LRRC49: variants seen among roughly 807,000 people sequenced by gnomAD.
LRRC49 encodes leucine rich repeat containing 49, also known as leucine-rich repeat-containing protein 49.
In LRRC49, 50 loss-of-function variants were observed where a neutral mutation model predicts 83.3. The ratio of observed to expected loss-of-function variants is 0.60; its 90% CI spans 0.48 to 0.76. The LOEUF (loss-of-function observed/expected upper bound fraction) is 0.76. LRRC49 is among the 30% of genes least tolerant of loss of function. The pLI, the probability that LRRC49 is intolerant of heterozygous loss-of-function variation, is 0.00. For synonymous variants in LRRC49, 286 were observed against 283.3 expected (o/e 1.01, Z -0.10); for missense variants, 704 against 809.1 (o/e 0.87, Z 1.58).
intron 8 of LRRC49, among the ~76,000 whole-genome samples, chr15:70,959,700 A>G (rs762391471): frequency 1.3e-5 from 2 of 152,110 alleles, no homozygotes; most frequent in Non-Finnish European, 2.9e-5. Flanking sequence ...GAAAATCCCA[A>G]TCAAAATCCC....
At chr15:70,917,364 G>T (rs2034825189) in intron 6 of LRRC49, among the ~76,000 whole-genome samples, 1 of 152,088 alleles carries the variant, frequency 6.6e-6, no homozygotes, top group East Asian at 1.9e-4. Flanking sequence ...CCGCCCATGG[G>T]CCAATCAGCA....
chr15:71,044,864 G>A (rs191026926), intron 15 of LRRC49, among the ~76,000 whole-genome samples: 43 of 146,062 alleles, frequency 2.9e-4, no homozygotes, highest in Non-Finnish European at 6.0e-4. Context: ...ACATACTAAT[G>A]TTCTCAGAAC....
chr15:70,861,798 G>A (rs554607091), intron 1 of LRRC49, among the ~76,000 whole-genome samples: 12 of 152,260 alleles, frequency 7.9e-5, no homozygotes, highest in South Asian at 4.2e-4. Context: ...GGTGGTGTGC[G>A]CCTGTAGTCC....
chr15:70,941,584 G>A (rs1316189399), intron 8 of LRRC49, among the ~76,000 whole-genome samples: 2 of 151,710 alleles, frequency 1.3e-5, no homozygotes, highest in Non-Finnish European at 2.9e-5. Context: ...TACATTTGTT[G>A]TATTCCTTTT....
At chr15:70,963,681 A>G in intron 8 of LRRC49, 104 bp from the exon 9 acceptor site, 2 of 1,334,464 alleles carry the variant, frequency 1.5e-6, no homozygotes, top group East Asian at 2.3e-5. Flanking sequence ...TATCTTCTCA[A>G]TTTTTCTGTA....
At chr15:70,918,003 G>C (rs2034852715) in intron 6 of LRRC49, among the ~76,000 whole-genome samples, 1 of 152,202 alleles carries the variant, frequency 6.6e-6, no homozygotes, top group African/African-American at 2.4e-5. Flanking sequence ...CTCCCTCTTT[G>C]GGACCCTGCG....
chr15:70,900,920 A>G lies in LRRC49; in HGVS notation c.194-2A>G. 1.3e-6 allele frequency: 2 copies of G among 1,541,286 alleles called. No homozygotes were observed. The highest frequency in any genetic ancestry group is 8.9e-7 in the Non-Finnish European group (1 of 1,122,522). On this transcript the variant is annotated splice_acceptor_variant, in intron 3 of 15. Transcript: ENST00000260382. LOFTEE classifies it high-confidence loss of function. ...AAGTAATTTGTATATCATTTTTAATAGGTGATCATATTAATTTGGTGAGCT... is the reference window on the plus strand; with the variant it reads ...AAGTAATTTGTATATCATTTTTAATGGGTGATCATATTAATTTGGTGAGCT...
At chr15:70,868,602 C>T (rs763640541) in intron 1 of LRRC49, among the ~76,000 whole-genome samples, 3 of 152,230 alleles carry the variant, frequency 2.0e-5, no homozygotes, top group Non-Finnish European at 4.4e-5. Flanking sequence ...GTTTCTGACT[C>T]AGTAGGTCTA....
At chr15:70,869,103 G>A (rs1358568877) in intron 1 of LRRC49, among the ~76,000 whole-genome samples, 5 of 151,608 alleles carry the variant, frequency 3.3e-5, no homozygotes, top group African/African-American at 1.2e-4. Context: ...TAAAGTAATT[G>A]GAAAAAAAAT....
intron 11 of LRRC49, among the ~76,000 whole-genome samples, chr15:71,007,148 G>A (rs1179445928): frequency 6.6e-6 from 1 of 151,990 alleles, no homozygotes; most frequent in Non-Finnish European, 1.5e-5. Flanking sequence ...AAACAAATGT[G>A]TAGAAGGTTA....
intron 11 of LRRC49, among the ~76,000 whole-genome samples, chr15:71,006,331 CTT>C (rs2038456092): frequency 1.3e-5 from 2 of 152,292 alleles, no homozygotes; most frequent in East Asian, 1.9e-4. Flanking sequence ...AAGCAAGACA[CTT>C]TTAAATATAT....
At chr15:71,024,242 C>T (rs1200786793) in intron 14 of LRRC49, among the ~76,000 whole-genome samples, 1 of 152,196 alleles carries the variant, frequency 6.6e-6, no homozygotes, top group African/African-American at 2.4e-5. Context: ...TGCACCCCTT[C>T]CACTAAGGGA....
At chr15:70,895,047 T>C (rs1002938916) in intron 2 of LRRC49, among the ~76,000 whole-genome samples, 2 of 152,204 alleles carry the variant, frequency 1.3e-5, no homozygotes, top group African/African-American at 4.8e-5. Context: ...CCATTCACTT[T>C]CTCTTGTGTG....
At chr15:70,943,517 T>G (rs1269192744) in intron 8 of LRRC49, among the ~76,000 whole-genome samples, 1 of 152,204 alleles carries the variant, frequency 6.6e-6, no homozygotes, top group Non-Finnish European at 1.5e-5. Flanking sequence ...CTTGCATCCC[T>G]TCTCCCCTGA....
At chr15:70,883,610 T>G (rs2033324916) in intron 2 of LRRC49, among the ~76,000 whole-genome samples, 2 of 152,114 alleles carry the variant, frequency 1.3e-5, no homozygotes, top group South Asian at 4.1e-4. Flanking sequence ...ATAAGTGACT[T>G]TTAATACTTT....
intron 7 of LRRC49, among the ~76,000 whole-genome samples, chr15:70,928,136 A>G (rs2035276304): frequency 6.6e-6 from 1 of 152,130 alleles, no homozygotes; most frequent in Non-Finnish European, 1.5e-5. Context: ...TGGACCCTCT[A>G]TTCTGTTCCA....
At chr15:71,044,729 T>C (rs956235672) in intron 15 of LRRC49, among the ~76,000 whole-genome samples, 7 of 151,936 alleles carry the variant, frequency 4.6e-5, no homozygotes, top group Non-Finnish European at 1.0e-4. Flanking sequence ...GAGGTTGCAG[T>C]GAGCGGAGAT....
chr15:71,010,515 A>G (rs771600176), intron 13 of LRRC49, among the ~76,000 whole-genome samples: 7 of 151,990 alleles, frequency 4.6e-5, no homozygotes, highest in Non-Finnish European at 8.8e-5. Context: ...AGATAAAATA[A>G]GAGAAAGTGA....
chr15:70,891,567 CTGTGTGTGTGTGTGTGTGTGTGTG>C (rs3220843), upstream of LRRC49, among the ~76,000 whole-genome samples: 12 of 137,140 alleles, frequency 8.8e-5, no homozygotes, highest in African/African-American at 1.1e-4. Context: ...GGACAAGACT[CTGTGTGTGTGTGTGTGTGTGTGTG>C]TGTGTGTGTG....
Sources: allele counts gnomAD v4.1 joint callset (sites outside exome capture counted in the v4.1 genomes callset), GRCh38; gene constraint gnomAD v4.1.1; transcripts MANE v1.5; gene names NCBI Gene and HGNC (gene_info 2026-07-23, HGNC 2026-07-21).